The following PCDHGA1 variants were observed in gnomAD, a reference collection of about 807,000 sequenced individuals.
PCDHGA1 encodes protocadherin gamma-A1.
A neutral mutation model predicts 58.0 loss-of-function variants in PCDHGA1; 32 were observed. The ratio of observed to expected loss-of-function variants is 0.55; its 90% CI spans 0.42 to 0.74. The LOEUF (loss-of-function observed/expected upper bound fraction) is 0.74, where lower values mean the gene tolerates loss of function less well. Ranked by LOEUF, PCDHGA1 falls within the 30% of genes least tolerant of loss-of-function variation. PCDHGA1 has a pLI of 0.00. For synonymous variants in PCDHGA1, 498 were observed against 501.1 expected, an observed-to-expected ratio of 0.99 and a Z score of 0.08; for missense variants, 1,205 against 1,182.3, an observed-to-expected ratio of 1.02 and a Z score of -0.28.
chr5:141,421,834 CGA>C lies in PCDHGA1; in HGVS notation c.2422-72968_2422-72967del, dbSNP rs763631483. The C allele has an allele frequency of 2.1e-5, 34 of 1,613,630 alleles. No homozygotes were observed. The Admixed American group carries it at 5.5e-4, about 26-fold the overall frequency. ...GCTAGTACTGGAGGGAAGCCTGGAC[CGA>C]GAGAAAGAGGCTGCTCACCTGCTCC... On this transcript the variant is annotated intron_variant, in intron 1 of 3. Transcript: ENST00000517417.
chr5:141,453,752 T>C (rs1404363977), intron 1 of PCDHGA1, among the ~76,000 whole-genome samples: 10 of 152,364 alleles, frequency 6.6e-5, no homozygotes, highest in Admixed American at 5.9e-4. Flanking sequence ...AACATAAGTC[T>C]CCTAAAAATA....
chr5:141,421,863 C>T (rs767555107), intron 1 of PCDHGA1: 1 of 1,613,746 alleles, frequency 6.2e-7, no homozygotes, highest in Non-Finnish European at 8.5e-7. Flanking sequence ...ACCTGCTCCT[C>T]CTCACAGCTT....
Position 141,388,273 on chromosome 5 carries a change from C to T in PCDHGA1, c.2421+55168C>T. On this transcript the variant is annotated intron_variant, in intron 1 of 3. Coordinates refer to ENST00000517417, the MANE Select transcript of PCDHGA1 (RefSeq NM_018912.3). ...GAGATCGAGGACATTAATGACCACA[C>T]GCCAAAATTCACGCAAAATTCCTTT... The T allele has an allele frequency of 3.1e-6, 5 of 1,597,470 alleles. No homozygotes were observed. Among genetic ancestry groups the T allele is most frequent in the Non-Finnish European group, 4.3e-6 (5 of 1,172,964 alleles).
chr5:141,486,284 C>G lies in PCDHGA1; in HGVS notation c.2422-8523C>G, dbSNP rs1259853159. ...TGCAGAACCTGGCACTGTGGTGGCA[C>G]TTATCAGTGTGCAGGATCCAGACTC... On this transcript the variant is annotated intron_variant, in intron 1 of 3. Transcript: ENST00000517417. This position sits in a 1 kb window ranked among gnomAD's most constrained non-coding sequence, Gnocchi z 5.0. The G allele has an allele frequency of 6.2e-7, 1 of 1,614,050 alleles. No homozygotes were observed. The highest frequency in any genetic ancestry group is 8.5e-7 in the Non-Finnish European group (1 of 1,179,988).
chr5:141,376,384 T>C (rs1588802430), intron 1 of PCDHGA1: 13 of 1,614,204 alleles, frequency 8.1e-6, no homozygotes, highest in Middle Eastern at 1.7e-4. Context: ...GTAAGAGTCA[T>C]CTGATTTTCC....
In PCDHGA1 at chr5:141,389,412, G is replaced by A. The variant is rs1039259671; in HGVS notation, c.2421+56307G>A. 5 of 1,613,588 alleles carry A rather than the reference G, an allele frequency of 3.1e-6. No individual in the cohort carries two copies. Among genetic ancestry groups the A allele is most frequent in the Admixed American group, 3.3e-5 (2 of 60,038 alleles). On this transcript the variant is annotated intron_variant, in intron 1 of 3. Transcript: ENST00000517417. ...CTACGTGTCCATAAGCGCGGAGAGC[G>A]GGGTGGTGTTCGCGCAGCGCGCCTT...
chr5:141,410,789 A>G (rs1264282350), intron 1 of PCDHGA1: 13 of 794,352 alleles, frequency 1.6e-5, no homozygotes, highest in Non-Finnish European at 2.4e-5. Flanking sequence ...TATTTGGTTC[A>G]TAAGTTGCTC....
chr5:141,475,749 A>G (rs1039777629), intron 1 of PCDHGA1, among the ~76,000 whole-genome samples: 13 of 152,278 alleles, frequency 8.5e-5, no homozygotes, highest in Admixed American at 6.5e-5. Context: ...TAGGTTTCCT[A>G]TGCACCGATA....
rs70988802 is a variant in PCDHGA1 at position 141,450,006 on chromosome 5, C to CTATTTTTTTT, written c.2422-44800_2422-44799insATTTTTTTTT. ...CACATTGCATTTAGTTGCCATGTCTCTTTTTTTTTTTTTTTTTTGAGACAG... is the reference window on the plus strand; with the variant it reads ...CACATTGCATTTAGTTGCCATGTCTCTATTTTTTTTTTTTTTTTTTTTTTTTTTGAGACAG... On this transcript the variant is annotated intron_variant, in intron 1 of 3. Transcript: ENST00000517417. Among the ~76,000 whole-genome samples the CTATTTTTTTT allele has an allele frequency of 3.0e-5, 4 of 132,980 alleles. 1 individual carries two copies. The highest frequency in any genetic ancestry group is 5.6e-5 in the African/African-American group (2 of 35,572). 87.2% of individuals were successfully genotyped at this position (132,980 alleles called of 152,430 possible). A position where few individuals can be genotyped will look rare whatever the true frequency, so the allele number is the denominator to read the frequency against.
intron 1 of PCDHGA1, among the ~76,000 whole-genome samples, chr5:141,444,203 C>A (rs2098425806): frequency 1.3e-5 from 1 of 79,180 alleles, no homozygotes; most frequent in Admixed American, 2.0e-4. Context: ...TGGAGTTTCA[C>A]TCTTGTTGCC....
chr5:141,395,245 T>G (rs1347101527), intron 1 of PCDHGA1: 1 of 1,571,252 alleles, frequency 6.4e-7, no homozygotes, highest in Admixed American at 1.9e-5. Context: ...CAGGTGAGTT[T>G]AGTTCTTTGC....
intron 1 of PCDHGA1, chr5:141,411,324 C>T (rs1171274674): frequency 1.3e-5 from 2 of 152,166 alleles, no homozygotes; most frequent in Admixed American, 6.5e-5. Context: ...AATCACAGCA[C>T]TTTGATAGGC....
Position 141,485,602 on chromosome 5 carries a change from G to A in PCDHGA1, c.2422-9205G>A, listed in dbSNP as rs766134158. On this transcript the variant is annotated intron_variant, in intron 1 of 3. Transcript: ENST00000517417. The surrounding 1 kb of genome is among the most constrained non-coding windows in gnomAD (Gnocchi z 5.7). ...GGCAGCAGCTGGACTTGGAAATTGG[G>A]GAGGCAGCTCCTCCAGGACAGCGTT... is the stretch of plus-strand genomic sequence containing the variant. 2.5e-6 allele frequency: 4 copies of A among 1,612,418 alleles called. No individual in the cohort carries two copies. In the Admixed American group the frequency reaches 5.0e-5, roughly 20 times the overall value.
chr5:141,499,191 C>A (rs920773306), intron 2 of PCDHGA1, among the ~76,000 whole-genome samples: 1 of 152,116 alleles, frequency 6.6e-6, no homozygotes, highest in Non-Finnish European at 1.5e-5. Context: ...ACCATTTCCC[C>A]CTTCTTAGGC....
At chr5:141,345,851 C>A in intron 1 of PCDHGA1, 1 of 1,613,502 alleles carries the variant, frequency 6.2e-7, no homozygotes, top group African/African-American at 1.3e-5. Flanking sequence ...GGCTGTCCTA[C>A]CGCCTGCTCA....
At chr5:141,405,038 G>T in intron 1 of PCDHGA1, 1 of 1,613,964 alleles carries the variant, frequency 6.2e-7, no homozygotes, top group Non-Finnish European at 8.5e-7. Flanking sequence ...CCTCGTTGTG[G>T]CTGTGGCAGT....
intron 1 of PCDHGA1, among the ~76,000 whole-genome samples, chr5:141,347,425 G>A (rs564235867): frequency 2.0e-5 from 3 of 152,120 alleles, no homozygotes; most frequent in Non-Finnish European, 2.9e-5. Flanking sequence ...AAAGTACTGC[G>A]ATTAGAGGCA....
rs376515666 is a variant in PCDHGA1, at chr5:141,394,832, C to T, written c.2421+61727C>T. On this transcript the variant is annotated intron_variant, in intron 1 of 3. Coordinates refer to ENST00000517417, the MANE Select transcript of PCDHGA1 (RefSeq NM_018912.3). The stretch of plus-strand genomic sequence containing the variant: ...CTGACAGCATCCCCGAAGTCCTGAC[C>T]GAGTTGGGCAGTCTGAAGCCTTCGG... The T allele has an allele frequency of 1.5e-5, 24 of 1,613,710 alleles. No individual in the cohort carries two copies. In the East Asian group the frequency reaches 3.3e-4, roughly 22 times the overall value.
Position 141,486,690 on chromosome 5 carries a change from C to G in PCDHGA1, c.2422-8117C>G. ...AGGAATCGAGATGTATCAGCTTCCTCTTTCATCTCTCTGAACCCCCAGACA... is the reference window on the plus strand; with the variant it reads ...AGGAATCGAGATGTATCAGCTTCCTGTTTCATCTCTCTGAACCCCCAGACA... On this transcript the variant is annotated intron_variant, in intron 1 of 3. Coordinates refer to ENST00000517417, the MANE Select transcript of PCDHGA1 (RefSeq NM_018912.3). The surrounding 1 kb of genome is among the most constrained non-coding windows in gnomAD (Gnocchi z 5.0). 3 of 1,614,144 alleles carry G rather than the reference C, an allele frequency of 1.9e-6. No individual in the cohort carries two copies. The highest frequency in any genetic ancestry group is 2.5e-6 in the Non-Finnish European group (3 of 1,180,036).
Sources: gnomAD v4.1 joint callset for allele counts (sites outside exome capture counted in the v4.1 genomes callset) on GRCh38, gnomAD v4.1.1 for gene constraint, Gnocchi (gnomAD v3.1) non-coding constraint, MANE v1.5 for transcripts, NCBI Gene and HGNC (gene_info 2026-07-23, HGNC 2026-07-21) for gene names.